PAN3: variants seen among roughly 807,000 people sequenced by gnomAD.
The protein encoded by PAN3 is poly(A) specific ribonuclease subunit PAN3.
Under a neutral mutation model 96.2 loss-of-function variants are expected in PAN3, and 19 were observed. That is an observed-to-expected ratio of 0.20 (90% CI 0.14 to 0.29). The LOEUF (loss-of-function observed/expected upper bound fraction) is 0.29, where lower values mean the gene tolerates loss of function less well. Among genes scored for constraint, PAN3 ranks in the 10% least tolerant of loss-of-function variants. The pLI is 1.00. For synonymous variants in PAN3, 433 were observed against 406.6 expected, an observed-to-expected ratio of 1.06 and a Z score of -0.78; for missense variants, 882 against 1,108.1, an observed-to-expected ratio of 0.80 and a Z score of 2.90.
rs188296017 is a variant in PAN3, at chr13:28,206,175, C to G, written c.852+8829C>G. On this transcript the variant is annotated intron_variant, in intron 5 of 18. Transcript: ENST00000380958. ...CTTTGGTCAGTACATTTGGAAAACTCTGCGATACAATTTGGGAAATGGTTC... is the reference window on the plus strand; with the variant it reads ...CTTTGGTCAGTACATTTGGAAAACTGTGCGATACAATTTGGGAAATGGTTC... 2.2e-4 allele frequency among the ~76,000 whole-genome samples: 33 copies of G among 152,240 alleles called. No individual in the cohort carries two copies. The South Asian group carries it at 3.3e-3, about 15-fold the overall frequency.
chr13:28,189,700 T>C (rs1039206539), intron 4 of PAN3, among the ~76,000 whole-genome samples: 5 of 152,132 alleles, frequency 3.3e-5, no homozygotes, highest in African/African-American at 2.4e-5. Flanking sequence ...TCTGACGTTA[T>C]TGAGAACTTT....
At chr13:28,245,802 TC>T (rs2138526537) in intron 6 of PAN3, among the ~76,000 whole-genome samples, 2 of 152,360 alleles carry the variant, frequency 1.3e-5, no homozygotes, top group East Asian at 3.9e-4. Flanking sequence ...CTAGCCTCTT[TC>T]AGCTAATGTT....
chr13:28,203,754 C>T (rs1023758671), intron 5 of PAN3, among the ~76,000 whole-genome samples: 4 of 151,598 alleles, frequency 2.6e-5, no homozygotes, highest in African/African-American at 7.3e-5. Context: ...ACTTAATTAC[C>T]TCTTGACAGT....
chr13:28,292,350 G>T, intron 18 of PAN3, 32 bp from the exon 19 acceptor site: 1 of 1,515,210 alleles, frequency 6.6e-7, no homozygotes, highest in South Asian at 1.4e-5. Context: ...TGCATGTTAT[G>T]AATTTCATAT....
chr13:28,256,638 G>A (rs1051877985), intron 7 of PAN3, 99 bp downstream of exon 7: 1 of 1,276,374 alleles, frequency 7.8e-7, no homozygotes, highest in Non-Finnish European at 1.1e-6. Flanking sequence ...TTATTGTGAT[G>A]CAAAAAAGTA....
intron 1 of PAN3, among the ~76,000 whole-genome samples, chr13:28,142,728 T>C (rs1870035560): frequency 6.6e-6 from 1 of 152,188 alleles, no homozygotes; most frequent in Non-Finnish European, 1.5e-5. Flanking sequence ...TTGAATCATT[T>C]GACAACAAAA....
intron 2 of PAN3, 38 bp downstream of exon 2, chr13:28,174,431 T>TA: frequency 6.3e-7 from 1 of 1,598,944 alleles, no homozygotes; most frequent in Non-Finnish European, 8.6e-7. Flanking sequence ...CTATGAAGTT[T>TA]ATTCTAGGGC....
At chr13:28,252,302 C>T (rs530855095) in intron 6 of PAN3, among the ~76,000 whole-genome samples, 6 of 149,878 alleles carry the variant, frequency 4.0e-5, no homozygotes, top group African/African-American at 1.5e-4. Flanking sequence ...GGAGGGTGTC[C>T]ATGTTAGTTT....
chr13:28,266,912 T>A, intron 10 of PAN3, 36 bp downstream of exon 10: 1 of 1,488,436 alleles, frequency 6.7e-7, no homozygotes, highest in East Asian at 2.3e-5. Context: ...TATAATCGTA[T>A]CATTGAGGCT....
chr13:28,181,373 G>A (rs559477238), intron 4 of PAN3, among the ~76,000 whole-genome samples: 1 of 152,098 alleles, frequency 6.6e-6, no homozygotes, highest in Non-Finnish European at 1.5e-5. Flanking sequence ...AGCCAGGAGT[G>A]GTGGTGAACG....
chr13:28,171,114 C>T (rs905975785), intron 1 of PAN3, among the ~76,000 whole-genome samples: 2 of 152,060 alleles, frequency 1.3e-5, no homozygotes, highest in South Asian at 4.1e-4. Context: ...TCCTTTTAAC[C>T]AACCACATGA....
At chr13:28,174,137 A>G in intron 1 of PAN3, 135 bp from the exon 2 acceptor site, 1 of 883,290 alleles carries the variant, frequency 1.1e-6, no homozygotes, top group South Asian at 1.8e-5. Flanking sequence ...ATTTGATCTT[A>G]CCTGTTATGA....
At chr13:28,273,342 C>T (rs543661849) in intron 14 of PAN3, among the ~76,000 whole-genome samples, 270 of 152,292 alleles carry the variant, frequency 1.8e-3, no homozygotes, top group African/African-American at 6.1e-3. Flanking sequence ...TGGCTCACAC[C>T]TGTAATCCCA....
At chr13:28,269,216 A>G (rs1244972616) in intron 12 of PAN3, among the ~76,000 whole-genome samples, 1 of 152,160 alleles carries the variant, frequency 6.6e-6, no homozygotes. Flanking sequence ...GATGTTGCCA[A>G]ATGCTGGAGT....
At chr13:28,235,674 C>G (rs1023881827) in intron 6 of PAN3, among the ~76,000 whole-genome samples, 9 of 141,538 alleles carry the variant, frequency 6.4e-5, no homozygotes, top group Non-Finnish European at 1.4e-4. Context: ...TTTTGTCTTT[C>G]TCTAATATAC....
chr13:28,290,067 C>T (rs1046789983), intron 18 of PAN3, among the ~76,000 whole-genome samples: 1 of 152,192 alleles, frequency 6.6e-6, no homozygotes, highest in African/African-American at 2.4e-5. Flanking sequence ...CAAATCCGTT[C>T]TATGGCCTAT....
chr13:28,211,072 T>TC (rs1879970912), intron 5 of PAN3, among the ~76,000 whole-genome samples: 1 of 152,138 alleles, frequency 6.6e-6, no homozygotes, highest in Admixed American at 6.5e-5. Context: ...AAAAAAATTT[T>TC]TTTTTTTTTG....
At position 28,256,524 on chromosome 13, in the gene PAN3, A is replaced by T. The variant is rs1334732943; in HGVS notation, c.1233A>T (p.Ala411=). The change falls in exon 7 of 19, where the codon GCA becomes GCT. Residue 411 remains alanine, a synonymous_variant. Transcript: ENST00000380958. The part of the protein sequence containing the change: ...TTYFYTDTTP[A]PLTGMVFPNY... ...ACTTCTATACAGACACAACTCCAGCACCTTTGACTGGAATGGTATGTCTAC... is the reference window on the plus strand; with the variant it reads ...ACTTCTATACAGACACAACTCCAGCTCCTTTGACTGGAATGGTATGTCTAC... The T allele has an allele frequency of 6.2e-7, 1 of 1,613,418 alleles. No homozygotes were observed. The highest frequency in any genetic ancestry group is 8.5e-7 in the Non-Finnish European group (1 of 1,179,676).
intron 11 of PAN3, 42 bp from the exon 12 acceptor site, chr13:28,267,258 G>A: frequency 6.2e-7 from 1 of 1,611,352 alleles, no homozygotes; most frequent in Non-Finnish European, 8.5e-7. Flanking sequence ...TTCATTATTT[G>A]AAGCCAGCTT....
Sources: allele counts gnomAD v4.1 joint callset (sites outside exome capture counted in the v4.1 genomes callset), GRCh38; gene constraint gnomAD v4.1.1; transcripts MANE v1.5; gene names NCBI Gene and HGNC (gene_info 2026-07-23, HGNC 2026-07-21).